Variants in SIK3 observed in about 807,000 individuals in gnomAD.
SIK3 encodes serine/threonine-protein kinase SIK3.
SIK3 carries 28 observed loss-of-function variants against 144.2 expected under a neutral mutation model. The observed-to-expected ratio is 0.19, with a 90% confidence interval of 0.14 to 0.27. The LOEUF (loss-of-function observed/expected upper bound fraction) is 0.27. SIK3 is among the 10% of genes least tolerant of loss of function. The pLI, the probability that SIK3 is intolerant of heterozygous loss-of-function variation, is 1.00. For missense variants in SIK3, 1,319 were observed against 1,776.0 expected (o/e 0.74, Z 4.62); for synonymous variants, 686 against 676.3 (o/e 1.01, Z -0.22).
intron 1 of SIK3, among the ~76,000 whole-genome samples, chr11:117,078,283 T>G (rs1954637641): frequency 6.6e-6 from 1 of 152,194 alleles, no homozygotes; most frequent in African/African-American, 2.4e-5. Flanking sequence ...AAGTGATTAT[T>G]CAGCAATGTT....
At chr11:116,936,965 TAA>T (rs1166675009) in intron 3 of SIK3, among the ~76,000 whole-genome samples, 1 of 152,182 alleles carries the variant, frequency 6.6e-6, no homozygotes, top group Non-Finnish European at 1.5e-5. Flanking sequence ...AAGTCCAGCT[TAA>T]AGGTCATTTC....
intron 19 of SIK3, among the ~76,000 whole-genome samples, chr11:116,860,588 G>T (rs1021372865): frequency 1.3e-5 from 2 of 152,178 alleles, no homozygotes; most frequent in African/African-American, 4.8e-5. Context: ...TGGTAGGGCT[G>T]GAGGTTTTGT....
At chr11:116,983,876 G>A (rs571692092) in intron 1 of SIK3, among the ~76,000 whole-genome samples, 32 of 151,928 alleles carry the variant, frequency 2.1e-4, no homozygotes, top group African/African-American at 7.7e-4. Context: ...ACCAGCCTGG[G>A]CAACATGCGA....
chr11:116,862,426 A>C, intron 16 of SIK3, 99 bp from the exon 17 acceptor site: 1 of 1,499,098 alleles, frequency 6.7e-7, no homozygotes, highest in Non-Finnish European at 9.2e-7. Context: ...TCATGGGCAG[A>C]AAGAGCCGCA....
intron 1 of SIK3, among the ~76,000 whole-genome samples, chr11:116,990,408 A>G (rs891033495): frequency 2.6e-5 from 4 of 152,286 alleles, no homozygotes; most frequent in South Asian, 2.1e-4. Flanking sequence ...ATGGGGCCAA[A>G]GGTCAGGAGG....
chr11:116,999,521 T>C (rs570565284), intron 1 of SIK3, among the ~76,000 whole-genome samples: 2 of 152,326 alleles, frequency 1.3e-5, no homozygotes, highest in East Asian at 1.9e-4. Flanking sequence ...GTGCAACATA[T>C]TCATATGTCT....
intron 1 of SIK3, among the ~76,000 whole-genome samples, chr11:116,964,070 A>G (rs112341063): frequency 6.6e-6 from 1 of 152,144 alleles, no homozygotes; most frequent in African/African-American, 2.4e-5. Flanking sequence ...GTGCAGTGAC[A>G]CGACCATAGC....
chr11:116,950,551 C>T (rs925325525), intron 3 of SIK3, among the ~76,000 whole-genome samples: 1 of 152,268 alleles, frequency 6.6e-6, no homozygotes, highest in Non-Finnish European at 1.5e-5. Context: ...AAAAAGGTAG[C>T]CCGAAGTAAC....
At chr11:116,941,874 A>G (rs1301050313) in intron 3 of SIK3, among the ~76,000 whole-genome samples, 1 of 152,198 alleles carries the variant, frequency 6.6e-6, no homozygotes, top group African/African-American at 2.4e-5. Flanking sequence ...GTTTTAAATT[A>G]TAAATTTAGT....
chr11:117,039,763 A>G (rs1952662028), intron 1 of SIK3, among the ~76,000 whole-genome samples: 2 of 152,222 alleles, frequency 1.3e-5, no homozygotes, highest in Non-Finnish European at 1.5e-5. Context: ...TAATCCTCAC[A>G]TAGACACTAA....
At chr11:117,089,546 C>T (rs907989902) in intron 1 of SIK3, among the ~76,000 whole-genome samples, 4 of 151,952 alleles carry the variant, frequency 2.6e-5, no homozygotes, top group Non-Finnish European at 5.9e-5. Context: ...TAATTTTGCA[C>T]GTTTATTGGA....
chr11:116,898,384 T>C lies in SIK3; in HGVS notation c.617-1067A>G, dbSNP rs901307167. Among the ~76,000 whole-genome samples the C allele has an allele frequency of 2.2e-4, 33 of 152,062 alleles. No homozygotes were observed. In the East Asian group the frequency reaches 5.0e-3, roughly 23 times the overall value. Reference sequence around the variant, plus strand: ...TAATCCAGTCTATCATTGTTGGACATTTGGGTTGGTTCCAAGTCTTTGCTA... The same window carrying C: ...TAATCCAGTCTATCATTGTTGGACACTTGGGTTGGTTCCAAGTCTTTGCTA... On this transcript the variant is annotated intron_variant, in intron 4 of 24. Transcript: ENST00000445177.
chr11:117,020,246 T>TATATATATATACACAC, intron 1 of SIK3, among the ~76,000 whole-genome samples: 23 of 127,298 alleles, frequency 1.8e-4, no homozygotes, highest in African/African-American at 6.9e-4. Context: ...CATATATATA[T>TATATATATATACACAC]ACACATACAT....
Position 117,098,355 on chromosome 11 carries a change from C to G in SIK3, c.61G>C (p.Gly21Arg), listed in dbSNP as rs916719187. The G allele has an allele frequency of 7.8e-6, 9 of 1,156,848 alleles. No homozygotes were observed. Among genetic ancestry groups the G allele is most frequent in the Non-Finnish European group, 9.5e-6 (9 of 942,876 alleles). 71.7% of individuals were successfully genotyped at this position (1,156,848 alleles called of 1,614,324 possible). ...GGAGGCAGCAGGCGGCCCGCGGGCCCGGCTCCCCCAGTCCCGGCCCCGGCA... is the reference window on the plus strand; with the variant it reads ...GGAGGCAGCAGGCGGCCCGCGGGCCGGGCTCCCCCAGTCCCGGCCCCGGCA... ...GAAGAGTGGAGPAGRLLPPPA... is the reference protein window; with the variant it reads ...GAAGAGTGGARPAGRLLPPPA... Residue 21 changes from glycine to arginine, a missense_variant, in exon 1 of 25, where the codon GGG becomes CGG. Around this residue, in one of 8 missense-constraint regions of SIK3, gnomAD observed 114 missense variants for 116.2 expected, o/e 0.98. Transcript: ENST00000445177.
chr11:117,019,209 A>G (rs1951663615), intron 1 of SIK3, among the ~76,000 whole-genome samples: 1 of 145,866 alleles, frequency 6.9e-6, no homozygotes, highest in Non-Finnish European at 1.5e-5. Flanking sequence ...TAGTGGAGAC[A>G]AGGTTTCACC....
At chr11:116,916,904 A>G (rs1482061099) in intron 4 of SIK3, among the ~76,000 whole-genome samples, 1 of 152,020 alleles carries the variant, frequency 6.6e-6, no homozygotes, top group Admixed American at 6.6e-5. Context: ...CAGGAGTTCA[A>G]GACCAAACTA....
intron 1 of SIK3, among the ~76,000 whole-genome samples, chr11:117,074,441 G>GT (rs2136015502): frequency 6.6e-6 from 1 of 152,150 alleles, no homozygotes; most frequent in South Asian, 2.1e-4. Flanking sequence ...CACTTTACTA[G>GT]TTATGAAGTG....
rs754633188 is a variant in SIK3, at chr11:117,020,236, C to CATATATATATATATAT, written c.274-63173_274-63172insATATATATATATATAT. On this transcript the variant is annotated intron_variant, in intron 1 of 24. Coordinates refer to ENST00000445177, the MANE Select transcript of SIK3 (RefSeq NM_001366686.3). ...GGTGATATTTGTATGTGTATATGTGCATATATATATACACATACATATATC... is the reference window on the plus strand; with the variant it reads ...GGTGATATTTGTATGTGTATATGTGCATATATATATATATATATATATATATACACATACATATATC... Among the ~76,000 whole-genome samples the CATATATATATATATAT allele has an allele frequency of 4.4e-4, 54 of 122,278 alleles. 3 individuals are homozygous for CATATATATATATATAT. The highest frequency in any genetic ancestry group is 9.6e-4 in the African/African-American group (26 of 27,162). The allele number at this position is 122,278 out of a possible 152,430, so 80.2% of individuals were successfully genotyped here.
Position 117,016,431 on chromosome 11 carries a change from G to GGAAGGAAGGAAGGAAA in SIK3, c.274-59368_274-59367insTTTCCTTCCTTCCTTC, listed in dbSNP as rs1951543883. 2.0e-5 allele frequency among the ~76,000 whole-genome samples: 3 copies of GGAAGGAAGGAAGGAAA among 150,144 alleles called. 1 individual carries two copies. The South Asian group carries it at 6.3e-4, about 32-fold the overall frequency. On this transcript the variant is annotated intron_variant, in intron 1 of 24. Coordinates refer to ENST00000445177, the MANE Select transcript of SIK3 (RefSeq NM_001366686.3). ...AGGAAGGAAGGAAGGAAGGAAGGAA[G>GGAAGGAAGGAAGGAAA]GAAGGAAGGAAGGAATCCCATGACC...
Sources: gnomAD v4.1 joint callset for allele counts (sites outside exome capture counted in the v4.1 genomes callset) on GRCh38, gnomAD v4.1.1 for gene constraint, gnomAD v4.1.1 regional missense constraint, MANE v1.5 for transcripts, NCBI Gene and HGNC (gene_info 2026-07-23, HGNC 2026-07-21) for gene names.